The following NCKAP5 variants were observed in gnomAD, a reference collection of about 807,000 sequenced individuals.
The protein encoded by NCKAP5 is NCK associated protein 5.
NCKAP5 carries 92 observed loss-of-function variants against 167.0 expected under a neutral mutation model. The ratio of observed to expected loss-of-function variants is 0.55; its 90% CI spans 0.47 to 0.66. NCKAP5 has a LOEUF of 0.66. Among genes scored for constraint, NCKAP5 ranks in the 30% least tolerant of loss-of-function variants. NCKAP5 has a pLI of 0.00. For missense variants in NCKAP5, 2,378 were observed against 2,315.0 expected (o/e 1.03, Z -0.56); for synonymous variants, 891 against 877.4 (o/e 1.02, Z -0.27).
At chr2:132,917,542 T>C (rs1044976880) in intron 8 of NCKAP5, among the ~76,000 whole-genome samples, 1 of 152,118 alleles carries the variant, frequency 6.6e-6, no homozygotes. Context: ...TTAAAATTTA[T>C]AATAGTTGAT....
chr2:133,046,765 T>C (rs2079415012), intron 6 of NCKAP5, among the ~76,000 whole-genome samples: 1 of 152,100 alleles, frequency 6.6e-6, no homozygotes, highest in Non-Finnish European at 1.5e-5. Context: ...AGGCAAAGCA[T>C]TGCCAATTAC....
intron 16 of NCKAP5, among the ~76,000 whole-genome samples, chr2:132,745,409 A>T (rs954499429): frequency 7.3e-5 from 11 of 151,658 alleles, no homozygotes; most frequent in Non-Finnish European, 1.5e-4. Context: ...AAAAAAACAG[A>T]CACAGCAAAC....
chr2:132,963,656 C>G (rs1221672685), intron 8 of NCKAP5, 64 bp downstream of exon 8: 31 of 1,511,794 alleles, frequency 2.1e-5, no homozygotes, highest in Non-Finnish European at 2.6e-5. Flanking sequence ...AAAACCAGTG[C>G]CAATAAAAGA....
intron 3 of NCKAP5, among the ~76,000 whole-genome samples, chr2:133,309,486 G>A (rs1257094339): frequency 6.6e-6 from 1 of 151,848 alleles, no homozygotes; most frequent in Non-Finnish European, 1.5e-5. Flanking sequence ...GAAGGTGGGG[G>A]GCACCAAGTT....
At chr2:133,531,926 T>C (rs1685397755) in intron 2 of NCKAP5, among the ~76,000 whole-genome samples, 1 of 152,226 alleles carries the variant, frequency 6.6e-6, no homozygotes, top group African/African-American at 2.4e-5. Context: ...GATGTAGTTG[T>C]AGCCCCATTC....
intron 19 of NCKAP5, among the ~76,000 whole-genome samples, chr2:132,717,821 T>C (rs921169331): frequency 6.6e-6 from 1 of 152,166 alleles, no homozygotes; most frequent in Non-Finnish European, 1.5e-5. Context: ...CTGAGTATCA[T>C]CAAGCGGCTG....
intron 4 of NCKAP5, among the ~76,000 whole-genome samples, chr2:133,241,588 T>C (rs1242939778): frequency 6.6e-6 from 1 of 152,216 alleles, no homozygotes; most frequent in African/African-American, 2.4e-5. Flanking sequence ...TGACTGTCTA[T>C]GGTAACCTTC....
chr2:133,579,158 A>G, the NCKAP5 span, among the ~76,000 whole-genome samples: 1 of 152,182 alleles, frequency 6.6e-6, no homozygotes, highest in Non-Finnish European at 1.5e-5. Flanking sequence ...AGGTACTTTC[A>G]TTATCCTATT....
chr2:133,513,102 A>G (rs192172159), intron 3 of NCKAP5, among the ~76,000 whole-genome samples: 2 of 152,320 alleles, frequency 1.3e-5, no homozygotes, highest in South Asian at 2.1e-4. Context: ...AACTGAGGAG[A>G]GTTTGGTAAA....
chr2:132,897,270 A>G (rs1693279291), intron 8 of NCKAP5, among the ~76,000 whole-genome samples: 2 of 152,208 alleles, frequency 1.3e-5, no homozygotes, highest in African/African-American at 4.8e-5. Context: ...AGAGAGAAGC[A>G]TAACAAAGCC....
At chr2:133,198,251 T>C (rs779447705) in intron 5 of NCKAP5, among the ~76,000 whole-genome samples, 1 of 152,114 alleles carries the variant, frequency 6.6e-6, no homozygotes, top group Non-Finnish European at 1.5e-5. Flanking sequence ...TACATGTATC[T>C]GAAGAAATAA....
intron 2 of NCKAP5, among the ~76,000 whole-genome samples, chr2:133,523,624 C>A (rs1304422292): frequency 6.6e-6 from 1 of 152,182 alleles, no homozygotes; most frequent in African/African-American, 2.4e-5. Flanking sequence ...CCCCAGCAAG[C>A]TTTTCCACAT....
Position 133,474,713 on chromosome 2 carries a change from G to A in NCKAP5, c.69+42745C>T, listed in dbSNP as rs1015991613. ...AACAAATAATGAATAATAAATAAAA[G>A]GGCAGCCTCTATCTCTCTCCTACTA... On this transcript the variant is annotated intron_variant, in intron 3 of 19. Transcript: ENST00000409261. 2.6e-5 allele frequency among the ~76,000 whole-genome samples: 4 copies of A among 151,940 alleles called. No homozygotes were observed. In the South Asian group the frequency reaches 6.2e-4, roughly 24 times the overall value.
chr2:132,747,600 T>C (rs767314149), intron 16 of NCKAP5, among the ~76,000 whole-genome samples: 1 of 111,628 alleles, frequency 9.0e-6, no homozygotes, highest in African/African-American at 3.5e-5. Context: ...CCCCAGACAC[T>C]CCTCTGCAGA....
At chr2:133,378,711 C>T (rs1686319098) in intron 3 of NCKAP5, among the ~76,000 whole-genome samples, 1 of 152,200 alleles carries the variant, frequency 6.6e-6, no homozygotes, top group South Asian at 2.1e-4. Context: ...TTCTGTCTCA[C>T]CCCAATTCAG....
At chr2:133,320,099 A>G (rs1681923070) in intron 3 of NCKAP5, among the ~76,000 whole-genome samples, 1 of 152,192 alleles carries the variant, frequency 6.6e-6, no homozygotes, top group African/African-American at 2.4e-5. Context: ...CACAAGGAGT[A>G]GAAGCAATGG....
chr2:133,128,035 T>C (rs2082459880), intron 6 of NCKAP5, among the ~76,000 whole-genome samples: 1 of 152,212 alleles, frequency 6.6e-6, no homozygotes, highest in African/African-American at 2.4e-5. Context: ...TACACCAAAG[T>C]TGAAGCACAT....
intron 3 of NCKAP5, among the ~76,000 whole-genome samples, chr2:133,494,553 T>G (rs553351290): frequency 1.3e-5 from 2 of 152,254 alleles, no homozygotes; most frequent in South Asian, 2.1e-4. Flanking sequence ...GAGCCCCCTC[T>G]TAGCCAAGAG....
In NCKAP5 at chr2:132,783,615, G is replaced by T. The variant is rs751247513; in HGVS notation, c.3196C>A (p.Pro1066Thr). The T allele has an allele frequency of 8.7e-6, 14 of 1,613,986 alleles. No homozygotes were observed. Among genetic ancestry groups the T allele is most frequent in the South Asian group, 1.1e-5 (1 of 91,084 alleles). ...TPQRDIGLQT[P>T]RISPSTHEPL... is the part of the protein sequence containing the mutation. ...TCATGGGTTGAAGGAGAGATCCTGGGAGTCTGTAATCCTATGTCCCTTTGT... is the reference window on the plus strand; with the variant it reads ...TCATGGGTTGAAGGAGAGATCCTGGTAGTCTGTAATCCTATGTCCCTTTGT... The change falls in exon 14 of 20, where the codon CCC becomes ACC. Residue 1066 changes from proline to threonine, a missense_variant. Pro to Thr is a conservative substitution (Grantham distance 38). Coordinates refer to ENST00000409261, the MANE Select transcript of NCKAP5 (RefSeq NM_207363.3).
Sources: gnomAD v4.1 joint callset for allele counts (sites outside exome capture counted in the v4.1 genomes callset) on GRCh38, gnomAD v4.1.1 for gene constraint, MANE v1.5 for transcripts, NCBI Gene and HGNC (gene_info 2026-07-23, HGNC 2026-07-21) for gene names.